The following IPCEF1 variants were observed in gnomAD, a reference collection of about 807,000 sequenced individuals.
The protein encoded by IPCEF1 is interaction protein for cytohesin exchange factors 1.
Under a neutral mutation model 50.9 loss-of-function variants are expected in IPCEF1, and 31 were observed. That is an observed-to-expected ratio of 0.61 (90% CI 0.46 to 0.82). The LOEUF is 0.82. IPCEF1 is among the 40% of genes least tolerant of loss of function. The pLI, the probability that IPCEF1 is intolerant of heterozygous loss-of-function variation, is 0.00. For missense variants in IPCEF1, 458 were observed against 514.0 expected (o/e 0.89, Z 1.05); for synonymous variants, 181 against 192.0 (o/e 0.94, Z 0.47).
chr6:154,244,226 T>C (rs1780832896), intron 5 of IPCEF1, among the ~76,000 whole-genome samples: 1 of 152,116 alleles, frequency 6.6e-6, no homozygotes, highest in Admixed American at 6.6e-5. Context: ...ATATCACTGC[T>C]AATTAAGCAT....
At chr6:154,230,998 G>C (rs1415239127) in intron 5 of IPCEF1, among the ~76,000 whole-genome samples, 3 of 152,116 alleles carry the variant, frequency 2.0e-5, no homozygotes, top group Non-Finnish European at 4.4e-5. Context: ...ATCTGAATCA[G>C]CCGAAACTGC....
Position 154,242,635 on chromosome 6 carries a change from C to T in IPCEF1, c.246+3956G>A, listed in dbSNP as rs369607801. Among the ~76,000 whole-genome samples, 57 of 152,132 alleles carry T rather than the reference C, an allele frequency of 3.7e-4. No homozygotes were observed. The South Asian group carries it at 0.012, about 32-fold the overall frequency. ...AGTGCGGTGGCTCACATCTGTAATC[C>T]CAGCACTTTGGGAGGCCAAGGCAGG... is the stretch of plus-strand genomic sequence containing the variant. On this transcript the variant is annotated intron_variant, in intron 5 of 11. Transcript: ENST00000367220.
At chr6:154,346,028 G>T (rs1386781261) in intron 1 of IPCEF1, among the ~76,000 whole-genome samples, 1 of 151,964 alleles carries the variant, frequency 6.6e-6, no homozygotes, top group Non-Finnish European at 1.5e-5. Context: ...ACCGCGCCTG[G>T]CTAATTTTTT....
chr6:154,206,127 CCTGA>C (rs1199007977), intron 9 of IPCEF1, among the ~76,000 whole-genome samples: 8 of 152,094 alleles, frequency 5.3e-5, no homozygotes, highest in African/African-American at 1.9e-4. Flanking sequence ...TTATCAGCTG[CCTGA>C]CTAACTCAAA....
rs148092353 is a variant in IPCEF1, at chr6:154,175,788, T to C, written c.911-7675A>G. 3.6e-3 allele frequency among the ~76,000 whole-genome samples: 546 copies of C among 152,074 alleles called. 3 individuals carry two copies. The highest frequency in any genetic ancestry group is 0.013 in the African/African-American group (524 of 41,466). On this transcript the variant is annotated intron_variant, in intron 10 of 11. Transcript: ENST00000367220. ...TTCCTTCTGAAACTATTCCAATCAATAGAAAAACAGGGAATCCTCCCAAAC... is the reference window on the plus strand; with the variant it reads ...TTCCTTCTGAAACTATTCCAATCAACAGAAAAACAGGGAATCCTCCCAAAC...
chr6:154,178,271 T>C (rs541735466), intron 10 of IPCEF1, among the ~76,000 whole-genome samples: 6 of 152,150 alleles, frequency 3.9e-5, no homozygotes, highest in Non-Finnish European at 5.9e-5. Flanking sequence ...ACAAGTATCC[T>C]AGAACTTAAA....
At chr6:154,327,973 G>A (rs1424210560) in intron 1 of IPCEF1, among the ~76,000 whole-genome samples, 4 of 152,142 alleles carry the variant, frequency 2.6e-5, no homozygotes, top group African/African-American at 4.8e-5. Context: ...TGCAGAAAGA[G>A]ACAACCAAAT....
chr6:154,208,522 C>G (rs1583802141), intron 9 of IPCEF1, among the ~76,000 whole-genome samples: 1 of 152,270 alleles, frequency 6.6e-6, no homozygotes, highest in East Asian at 1.9e-4. Context: ...AACAGTCTCC[C>G]TCAACTAGAG....
rs901136757 is a variant in IPCEF1 at position 154,154,892 on chromosome 6, G to C, written c.*4936C>G. On this transcript the variant is annotated 3_prime_UTR_variant, in exon 12 of 12. Transcript: ENST00000367220. ...ATATCTTGCCCCCAAACACCATGCA[G>C]TGCTAAAAGTCACATTCCCATCATG... 1.3e-5 allele frequency: 2 copies of C among 152,338 alleles called. No homozygotes were observed. Among genetic ancestry groups the C allele is most frequent in the African/African-American group, 4.8e-5 (2 of 41,334 alleles). 9.4% of individuals were successfully genotyped at this position (152,338 alleles called of 1,614,324 possible).
chr6:154,355,621 TG>T (rs1405961891), intron 1 of IPCEF1, among the ~76,000 whole-genome samples: 2 of 151,984 alleles, frequency 1.3e-5, no homozygotes, highest in African/African-American at 4.8e-5. Context: ...CCCAGGTAGC[TG>T]GGATTACAGG....
intron 5 of IPCEF1, among the ~76,000 whole-genome samples, chr6:154,224,211 G>C (rs1024995664): frequency 6.6e-6 from 1 of 152,202 alleles, no homozygotes; most frequent in African/African-American, 2.4e-5. Context: ...TTACAAGTCA[G>C]CTAGCTATTA....
chr6:154,294,150 A>G (rs1236742997), intron 1 of IPCEF1, among the ~76,000 whole-genome samples: 1 of 152,208 alleles, frequency 6.6e-6, no homozygotes, highest in Non-Finnish European at 1.5e-5. Flanking sequence ...TAAAGCAAAG[A>G]ATGACATTGG....
At chr6:154,344,090 C>G (rs578054487) in intron 1 of IPCEF1, among the ~76,000 whole-genome samples, 1 of 152,346 alleles carries the variant, frequency 6.6e-6, no homozygotes, top group South Asian at 2.1e-4. Flanking sequence ...CCTCTAGCCT[C>G]CTCATAAAAC....
chr6:154,306,166 C>T (rs1189599475), intron 1 of IPCEF1, among the ~76,000 whole-genome samples: 1 of 152,150 alleles, frequency 6.6e-6, no homozygotes, highest in Non-Finnish European at 1.5e-5. Context: ...AGTCGCCCCA[C>T]GTCACTTACA....
chr6:154,277,797 C>T (rs113880531), intron 2 of IPCEF1, among the ~76,000 whole-genome samples: 6 of 152,140 alleles, frequency 3.9e-5, no homozygotes, highest in African/African-American at 1.4e-4. Context: ...TAGACTTTGC[C>T]TGTGAGATTT....
At chr6:154,235,456 G>C (rs534637849) in intron 5 of IPCEF1, among the ~76,000 whole-genome samples, 1 of 151,146 alleles carries the variant, frequency 6.6e-6, no homozygotes, top group Admixed American at 6.6e-5. Flanking sequence ...ACTTGAACCC[G>C]GGAGGCAGAG....
intron 1 of IPCEF1, among the ~76,000 whole-genome samples, chr6:154,354,996 TCACACACACACACACACACACA>T (rs56281024): frequency 2.5e-4 from 37 of 147,492 alleles, no homozygotes; most frequent in East Asian, 1.6e-3. Flanking sequence ...GGATTTTTCT[TCACACACACACACACACACACA>T]CACACACACA....
rs561667839 is a variant in IPCEF1, at chr6:154,219,067, G to A, written c.392+2190C>T. The A allele has an allele frequency of 1.3e-4, 20 of 152,260 alleles. 2 individuals carry two copies. The highest frequency in any genetic ancestry group is 6.2e-4 in the South Asian group (3 of 4,824). The allele number at this position is 152,260 out of a possible 1,614,324, so 9.4% of individuals were successfully genotyped here. A position where few individuals can be genotyped will look rare whatever the true frequency, so the allele number is the denominator to read the frequency against. ...TTACCATTAGATAGGTTTCTGCAAAGGGAGAACATAAAATTGGAAGATAAA... is the reference window on the plus strand; with the variant it reads ...TTACCATTAGATAGGTTTCTGCAAAAGGAGAACATAAAATTGGAAGATAAA... On this transcript the variant is annotated intron_variant, in intron 7 of 11. Coordinates refer to ENST00000367220, the MANE Select transcript of IPCEF1 (RefSeq NM_001130700.2).
At chr6:154,336,483 T>C (rs1242360648) in intron 1 of IPCEF1, among the ~76,000 whole-genome samples, 1 of 152,106 alleles carries the variant, frequency 6.6e-6, no homozygotes, top group African/African-American at 2.4e-5. Flanking sequence ...CTCGTGGAGA[T>C]AGAGAGTAGA....
Sources: gnomAD v4.1 joint callset for allele counts (sites outside exome capture counted in the v4.1 genomes callset) on GRCh38, gnomAD v4.1.1 for gene constraint, MANE v1.5 for transcripts, NCBI Gene and HGNC (gene_info 2026-07-23, HGNC 2026-07-21) for gene names.